The following AIMP2 variants were observed in gnomAD, a reference collection of about 807,000 sequenced individuals.
AIMP2 encodes aminoacyl tRNA synthetase complex interacting multifunctional protein 2, also known as aminoacyl tRNA synthase complex-interacting multifunctional protein 2.
In AIMP2, 20 loss-of-function variants were observed where a neutral mutation model predicts 23.4. That is an observed-to-expected ratio of 0.85 (90% CI 0.60 to 1.24). The LOEUF (loss-of-function observed/expected upper bound fraction) is 1.24, where lower values mean the gene tolerates loss of function less well. AIMP2 is among the 50% of genes most tolerant of loss of function. The probability of loss-of-function intolerance (pLI) is 0.00; values close to 1 mark genes in which losing one functional copy is unlikely to be tolerated. For missense variants in AIMP2, 515 were observed against 414.5 expected (o/e 1.24, Z -2.10); for synonymous variants, 210 against 170.4 (o/e 1.23, Z -1.81).
At chr7:6,019,175 T>C (rs1217056189) in intron 3 of AIMP2, among the ~76,000 whole-genome samples, 1 of 152,016 alleles carries the variant, frequency 6.6e-6, no homozygotes, top group African/African-American at 2.4e-5. Context: ...GCTAATCATC[T>C]CGGTGTGAGC....
Position 6,009,330 on chromosome 7 carries a change from G to T in AIMP2, c.-34G>T, listed in dbSNP as rs2128868871. 1 of 1,611,694 alleles carries T rather than the reference G, an allele frequency of 6.2e-7. No homozygotes were observed. The highest frequency in any genetic ancestry group is 8.5e-7 in the Non-Finnish European group (1 of 1,179,994). ...TGACGGTTTCTGAGCGTTGGCCTTT[G>T]GCACGCGCTACCCCCTTTTGCTTTG... On this transcript the variant is annotated 5_prime_UTR_variant, in exon 1 of 4. Coordinates refer to ENST00000223029, the MANE Select transcript of AIMP2 (RefSeq NM_006303.4).
At chr7:6,022,454 C>A (rs1186172609) in intron 3 of AIMP2, 2 of 152,052 alleles carry the variant, frequency 1.3e-5, no homozygotes, top group East Asian at 1.9e-4. Context: ...CCCCACTGTT[C>A]AAGGGTTAGC....
At chr7:6,018,518 GCAGA>G (rs1215001108) in intron 3 of AIMP2, among the ~76,000 whole-genome samples, 4 of 151,670 alleles carry the variant, frequency 2.6e-5, no homozygotes, top group Non-Finnish European at 5.9e-5. Context: ...GAAAAAACTG[GCAGA>G]CAAACCGCAT....
chr7:6,023,577 T>C lies in AIMP2; in HGVS notation c.849T>C (p.Ser283=). The change falls in exon 4 of 4, where the codon TCT becomes TCC. Residue 283 remains serine, a synonymous_variant. Transcript: ENST00000223029. The part of the protein sequence containing the change: ...ELTVADVVLW[S]VLQQIGGCSV... ...CCGTAGCAGACGTGGTGCTGTGGTC[T>C]GTACTCCAGCAGATCGGAGGCTGCA... 1.2e-6 allele frequency: 2 copies of C among 1,614,246 alleles called. No homozygotes were observed. Among genetic ancestry groups the C allele is most frequent in the Non-Finnish European group, 1.7e-6 (2 of 1,180,046 alleles).
chr7:6,020,690 C>G (rs919181643), intron 3 of AIMP2, among the ~76,000 whole-genome samples: 4 of 152,086 alleles, frequency 2.6e-5, no homozygotes, highest in Non-Finnish European at 5.9e-5. Flanking sequence ...TCCCAGATGC[C>G]ATAAAGAAAA....
rs772254141 is a variant in AIMP2 at position 6,009,454 on chromosome 7, C to T, written c.91C>T (p.His31Tyr). ...PTCMYRLPNV[H>Y]GRSYGPAPGA... ...CTGCATGTACCGGCTCCCCAACGTG[C>T]ACGGCAGGAGCTACGGCCCAGCGCC... Residue 31 changes from histidine to tyrosine, a missense_variant, in exon 1 of 4, where the codon CAC (histidine) becomes TAC (tyrosine). Physicochemically the swap from His to Tyr is moderately conservative, Grantham distance 83 (BLOSUM62 2). Coordinates refer to ENST00000223029, the MANE Select transcript of AIMP2 (RefSeq NM_006303.4). The T allele has an allele frequency of 2.5e-6, 4 of 1,610,146 alleles. No individual in the cohort carries two copies. Among genetic ancestry groups the T allele is most frequent in the South Asian group, 2.2e-5 (2 of 90,872 alleles).
At chr7:6,016,295 ATATT>A (rs1291882076) in intron 2 of AIMP2, among the ~76,000 whole-genome samples, 6 of 152,176 alleles carry the variant, frequency 3.9e-5, no homozygotes, top group Non-Finnish European at 7.3e-5. Flanking sequence ...CCACAATGTG[ATATT>A]TATTTGAGGA....
At chr7:6,013,932 T>C (rs949611606) in intron 1 of AIMP2, among the ~76,000 whole-genome samples, 4 of 149,800 alleles carry the variant, frequency 2.7e-5, no homozygotes, top group African/African-American at 9.8e-5. Context: ...GCCTGGGCAA[T>C]AGAGTGAGAC....
chr7:6,011,466 T>C (rs1786684974), intron 1 of AIMP2, among the ~76,000 whole-genome samples: 4 of 152,166 alleles, frequency 2.6e-5, no homozygotes, highest in Admixed American at 2.0e-4. Flanking sequence ...TTCACTCTTT[T>C]CTCATTGCAA....
chr7:6,009,274 AAGGG>A lies in AIMP2; in HGVS notation c.-86_-83del. Reference sequence around the variant, plus strand: ...TCCCGAACGCCCGCAGCAGGGTCAGAAGGGAGGTGGCCGGTCTCCGTCGTGACCT... The same window carrying A: ...TCCCGAACGCCCGCAGCAGGGTCAGAAGGTGGCCGGTCTCCGTCGTGACCT... On this transcript the variant is annotated 5_prime_UTR_variant, in exon 1 of 4. Transcript: ENST00000223029. 1 of 1,602,282 alleles carries A rather than the reference AAGGG, an allele frequency of 6.2e-7. No individual in the cohort carries two copies. Among genetic ancestry groups the A allele is most frequent in the Non-Finnish European group, 8.5e-7 (1 of 1,173,330 alleles).
At position 6,015,064 on chromosome 7, in the gene AIMP2, G is replaced by A. The variant is rs1010788517; in HGVS notation, c.136-82G>A. On this transcript the variant is annotated intron_variant, in intron 1 of 3. Transcript: ENST00000223029. ...GGGTGGGAGGTTTGGTGAGTGCATG[G>A]CAAAGTAAGACAAGTGATCAAATTT... is the stretch of plus-strand genomic sequence containing the variant. 2.2e-5 allele frequency: 36 copies of A among 1,600,764 alleles called. No individual in the cohort carries two copies. In the African/African-American group the frequency reaches 4.3e-4, roughly 19 times the overall value.
At chr7:6,020,177 T>C (rs1199437702) in intron 3 of AIMP2, among the ~76,000 whole-genome samples, 1 of 152,018 alleles carries the variant, frequency 6.6e-6, no homozygotes, top group Non-Finnish European at 1.5e-5. Flanking sequence ...TCCCAGCACT[T>C]TGGGAGGCTG....
Position 6,017,104 on chromosome 7 carries a change from A to G in AIMP2, c.343-710A>G, listed in dbSNP as rs567356360. On this transcript the variant is annotated intron_variant, in intron 2 of 3. Coordinates refer to ENST00000223029, the MANE Select transcript of AIMP2 (RefSeq NM_006303.4). Reference sequence around the variant, plus strand: ...TCATCATCAATGATATCTTGGGCCAACACCCCTTCTTAAGGGGTTCTTCAT... The same window carrying G: ...TCATCATCAATGATATCTTGGGCCAGCACCCCTTCTTAAGGGGTTCTTCAT... 2.0e-5 allele frequency: 3 copies of G among 152,326 alleles called. No individual in the cohort carries two copies. In the East Asian group the frequency reaches 5.8e-4, roughly 29 times the overall value. The allele number at this position is 152,326 out of a possible 1,614,324, so 9.4% of individuals were successfully genotyped here.
chr7:6,013,007 CAA>C (rs57537562), intron 1 of AIMP2: 374,244 of 960,286 alleles, frequency 0.39, 74,844 homozygotes, highest in Middle Eastern at 0.44. Flanking sequence ...GTTAAGCAAA[CAA>C]GAGAAGAAGG....
chr7:6,009,962 A>ATATAT (rs1286705530), intron 1 of AIMP2, among the ~76,000 whole-genome samples: 1 of 48,126 alleles, frequency 2.1e-5, no homozygotes, highest in African/African-American at 8.1e-5. Flanking sequence ...AAAAAAAAAA[A>ATATAT]AAAAAAAAAA....
chr7:6,023,538 T>C lies in AIMP2; in HGVS notation c.810T>C (p.Ala270=). The change falls in exon 4 of 4, where the codon GCT becomes GCC. Residue 270 remains alanine, a synonymous_variant. Coordinates refer to ENST00000223029, the MANE Select transcript of AIMP2 (RefSeq NM_006303.4). ...NSALGKSPWL[A]GNELTVADVV... ...CTCTTGGGAAGAGCCCTTGGCTCGC[T>C]GGGAATGAACTCACCGTAGCAGACG... is the stretch of plus-strand genomic sequence containing the variant. 1 of 1,614,232 alleles carries C rather than the reference T, an allele frequency of 6.2e-7. No homozygotes were observed.
chr7:6,023,821 C>T lies in AIMP2; in HGVS notation c.*130C>T. 2.6e-6 allele frequency: 4 copies of T among 1,565,732 alleles called. No homozygotes were observed. Among genetic ancestry groups the T allele is most frequent in the Non-Finnish European group, 3.5e-6 (4 of 1,154,124 alleles). Reference sequence around the variant, plus strand: ...GCCAGTTGTCAAGTGTCAATAAAAGCATCATGTAATTTATGGTTTTCATTT... The same window carrying T: ...GCCAGTTGTCAAGTGTCAATAAAAGTATCATGTAATTTATGGTTTTCATTT... On this transcript the variant is annotated 3_prime_UTR_variant, in exon 4 of 4. Coordinates refer to ENST00000223029, the MANE Select transcript of AIMP2 (RefSeq NM_006303.4).
Position 6,009,515 on chromosome 7 carries a change from C to T in AIMP2, c.135+17C>T, listed in dbSNP as rs1417231471. On this transcript the variant is annotated intron_variant, in intron 1 of 3. Transcript: ENST00000223029. The stretch of plus-strand genomic sequence containing the variant: ...CACGTGCAGGTAGGAGCGCGGGGCC[C>T]CCCGCCCAGTGCGCACGCGCGGCGA... The T allele has an allele frequency of 6.8e-7, 1 of 1,471,300 alleles. No individual in the cohort carries two copies. The highest frequency in any genetic ancestry group is 2.6e-5 in the East Asian group (1 of 38,408). The allele number at this position is 1,471,300 out of a possible 1,614,324, so 91.1% of individuals were successfully genotyped here. A position where few individuals can be genotyped will look rare whatever the true frequency, so the allele number is the denominator to read the frequency against.
intron 2 of AIMP2, chr7:6,016,915 C>G (rs1787062482): frequency 1.2e-5 from 2 of 162,004 alleles, no homozygotes; most frequent in African/African-American, 4.8e-5. Context: ...CCCCCTGGAC[C>G]TCTCATAGTG....
Sources: allele counts gnomAD v4.1 joint callset (sites outside exome capture counted in the v4.1 genomes callset), GRCh38; gene constraint gnomAD v4.1.1; transcripts MANE v1.5; gene names NCBI Gene and HGNC (gene_info 2026-07-23, HGNC 2026-07-21).